Variants in HECW2 observed in about 807,000 individuals in gnomAD.
HECW2 encodes HECT, C2 and WW domain containing E3 ubiquitin protein ligase 2.
HECW2 carries 61 observed loss-of-function variants against 175.2 expected under a neutral mutation model. The ratio of observed to expected loss-of-function variants is 0.35; its 90% CI spans 0.28 to 0.43. HECW2 has a LOEUF of 0.43. Ranked by LOEUF, HECW2 falls within the 20% of genes least tolerant of loss-of-function variation. The pLI, the probability that HECW2 is intolerant of heterozygous loss-of-function variation, is 1.00. For missense variants in HECW2, 1,524 were observed against 2,000.5 expected (o/e 0.76, Z 4.54); for synonymous variants, 671 against 731.0 (o/e 0.92, Z 1.32).
At position 196,572,591 on chromosome 2, in the gene HECW2, T is replaced by A. The variant is rs78084322; in HGVS notation, c.-36+20917A>T. Among the ~76,000 whole-genome samples the A allele has an allele frequency of 7.2e-3, 1,098 of 152,306 alleles. 21 individuals are homozygous for A. The highest frequency in any genetic ancestry group is 0.025 in the African/African-American group (1,053 of 41,560). On this transcript the variant is annotated intron_variant, in intron 1 of 28. Transcript: ENST00000644978. Reference sequence around the variant, plus strand: ...TAAAAATAGTTTAAGATAGCAAATTTTATGGTATATGTTACAATAGACTAA... The same window carrying A: ...TAAAAATAGTTTAAGATAGCAAATTATATGGTATATGTTACAATAGACTAA...
At chr2:196,554,540 T>C (rs1391437059) in intron 1 of HECW2, among the ~76,000 whole-genome samples, 11 of 152,128 alleles carry the variant, frequency 7.2e-5, no homozygotes, top group Non-Finnish European at 1.3e-4. Flanking sequence ...ATGAGGAGGA[T>C]GGTCAAACAG....
intron 26 of HECW2, among the ~76,000 whole-genome samples, chr2:196,219,514 T>C (rs1687590547): frequency 6.6e-6 from 1 of 152,248 alleles, no homozygotes; most frequent in Non-Finnish European, 1.5e-5. Flanking sequence ...AGTCTTCTTT[T>C]CACTTGAAAT....
At chr2:196,327,774 G>A (rs1448647849) in intron 5 of HECW2, among the ~76,000 whole-genome samples, 1 of 152,188 alleles carries the variant, frequency 6.6e-6, no homozygotes, top group Non-Finnish European at 1.5e-5. Flanking sequence ...CAGATGTTAG[G>A]TAGCTAGCCT....
chr2:196,547,659 G>A (rs1023520366), intron 1 of HECW2, among the ~76,000 whole-genome samples: 4 of 152,166 alleles, frequency 2.6e-5, no homozygotes, highest in African/African-American at 9.7e-5. Flanking sequence ...GCCTGAACAG[G>A]AGCAATATTT....
intron 1 of HECW2, among the ~76,000 whole-genome samples, chr2:196,471,349 A>C (rs554964603): frequency 3.3e-5 from 5 of 152,200 alleles, no homozygotes; most frequent in Non-Finnish European, 7.4e-5. Flanking sequence ...AAAATGGAAC[A>C]CTTATACACT....
chr2:196,340,674 T>C (rs1034593609), intron 3 of HECW2, among the ~76,000 whole-genome samples: 4 of 151,354 alleles, frequency 2.6e-5, no homozygotes, highest in African/African-American at 9.7e-5. Context: ...TAATTACAAC[T>C]TCTTTTATAT....
At chr2:196,343,623 A>G (rs751211280) in intron 3 of HECW2, 34 bp downstream of exon 3, 9 of 1,333,880 alleles carry the variant, frequency 6.7e-6, no homozygotes, top group Non-Finnish European at 8.6e-6. Context: ...GCAATGTTCA[A>G]TAATAAGTTT....
At chr2:196,394,873 T>C (rs149108813) in intron 2 of HECW2, among the ~76,000 whole-genome samples, 82 of 152,336 alleles carry the variant, frequency 5.4e-4, no homozygotes, top group African/African-American at 1.8e-3. Context: ...GGGTAGCTTA[T>C]AAACAATAAA....
intron 1 of HECW2, among the ~76,000 whole-genome samples, chr2:196,581,111 TAATAAGAGTTTGGGAGCAGGAAA>T (rs1690763599): frequency 6.6e-6 from 1 of 152,184 alleles, no homozygotes; most frequent in South Asian, 2.1e-4. Context: ...GAGTAGTGGT[TAATAAGAGTTTGGGAGCAGGAAA>T]AACGGGAAAT....
chr2:196,555,344 G>C (rs1371693757), intron 1 of HECW2, among the ~76,000 whole-genome samples: 2 of 152,098 alleles, frequency 1.3e-5, no homozygotes, highest in African/African-American at 2.4e-5. Context: ...GAAGGGACAA[G>C]GCAGCTGCAT....
chr2:196,440,170 T>A (rs992736857), intron 1 of HECW2, among the ~76,000 whole-genome samples: 4 of 152,176 alleles, frequency 2.6e-5, no homozygotes, highest in African/African-American at 9.6e-5. Flanking sequence ...AGGCCGGGGA[T>A]AAAACAAATA....
intron 2 of HECW2, among the ~76,000 whole-genome samples, chr2:196,377,559 A>G (rs2105914442): frequency 6.6e-6 from 1 of 152,328 alleles, no homozygotes; most frequent in Non-Finnish European, 1.5e-5. Context: ...CACTATCATG[A>G]GAACAGCATG....
chr2:196,374,306 C>G (rs1451858958), intron 2 of HECW2, among the ~76,000 whole-genome samples: 1 of 152,126 alleles, frequency 6.6e-6, no homozygotes, highest in East Asian at 1.9e-4. Flanking sequence ...AGGAGCTTAA[C>G]TGGATTATAA....
chr2:196,294,975 G>T (rs921554952), intron 13 of HECW2, among the ~76,000 whole-genome samples: 2 of 152,172 alleles, frequency 1.3e-5, no homozygotes, highest in Non-Finnish European at 2.9e-5. Flanking sequence ...TTAAATACTT[G>T]TTCCCTATCA....
chr2:196,261,523 T>C (rs1430353556), intron 17 of HECW2, among the ~76,000 whole-genome samples: 1 of 152,150 alleles, frequency 6.6e-6, no homozygotes, highest in African/African-American at 2.4e-5. Flanking sequence ...AAATGATGAC[T>C]GATAATTCCA....
At chr2:196,300,742 CAT>C (rs957990434) in intron 13 of HECW2, among the ~76,000 whole-genome samples, 6 of 151,992 alleles carry the variant, frequency 3.9e-5, no homozygotes, top group Non-Finnish European at 5.9e-5. Flanking sequence ...TATACACAGA[CAT>C]ATATGTGTGT....
intron 1 of HECW2, among the ~76,000 whole-genome samples, chr2:196,537,593 G>A (rs1406042416): frequency 2.0e-5 from 3 of 152,096 alleles, no homozygotes; most frequent in African/African-American, 4.8e-5. Flanking sequence ...AGAGGCGTTC[G>A]AACCAGAGCA....
chr2:196,462,619 G>A (rs749537079), intron 1 of HECW2, among the ~76,000 whole-genome samples: 6 of 151,910 alleles, frequency 3.9e-5, no homozygotes, highest in South Asian at 2.1e-4. Context: ...CAAAGCAGAC[G>A]GTTTTGAAAT....
At chr2:196,491,501 TAC>T (rs56806806) in intron 1 of HECW2, among the ~76,000 whole-genome samples, 10,235 of 125,690 alleles carry the variant, frequency 0.081, 426 homozygotes, top group Middle Eastern at 0.13. Flanking sequence ...TATATATATA[TAC>T]ACACACACAC....
Sources: allele counts gnomAD v4.1 joint callset (sites outside exome capture counted in the v4.1 genomes callset), GRCh38; gene constraint gnomAD v4.1.1; transcripts MANE v1.5; gene names NCBI Gene and HGNC (gene_info 2026-07-23, HGNC 2026-07-21).